Variants in TMEM170B observed in about 807,000 individuals in gnomAD.
The protein encoded by TMEM170B is transmembrane protein 170B.
In TMEM170B, 6 loss-of-function variants were observed where a neutral mutation model predicts 13.0. That is an observed-to-expected ratio of 0.46 (90% CI 0.25 to 0.91). The LOEUF (loss-of-function observed/expected upper bound fraction) is 0.91, where lower values mean the gene tolerates loss of function less well. Ranked by LOEUF, TMEM170B falls within the 40% of genes least tolerant of loss-of-function variation. The probability of loss-of-function intolerance (pLI) is 0.17; values close to 1 mark genes in which losing one functional copy is unlikely to be tolerated. For missense variants in TMEM170B, 138 were observed against 165.2 expected (o/e 0.84, Z 0.90); for synonymous variants, 61 against 64.9 (o/e 0.94, Z 0.29).
In TMEM170B at chr6:11,576,141, AG is replaced by A. The variant is rs1316348235; in HGVS notation, c.*582del. The A allele has an allele frequency of 6.6e-6, 1 of 152,342 alleles. No homozygotes were observed. The highest frequency in any genetic ancestry group is 1.5e-5 in the Non-Finnish European group (1 of 68,182). 9.4% of individuals were successfully genotyped at this position (152,342 alleles called of 1,614,324 possible). On this transcript the variant is annotated 3_prime_UTR_variant, in exon 3 of 3. Transcript: ENST00000379426. The stretch of plus-strand genomic sequence containing the variant: ...TGGGATTTAGGGCTTCAATATGTTT[AG>A]GTATTATTGTTATTTAATTGATGTG...
In TMEM170B at chr6:11,575,831, A is replaced by G. The variant is rs941623271; in HGVS notation, c.*270A>G. 4 of 274,528 alleles carry G rather than the reference A, an allele frequency of 1.5e-5. No homozygotes were observed. The highest frequency in any genetic ancestry group is 8.7e-5 in the African/African-American group (4 of 46,016). The allele number at this position is 274,528 out of a possible 1,614,324, so 17.0% of individuals were successfully genotyped here. A position where few individuals can be genotyped will look rare whatever the true frequency, so the allele number is the denominator to read the frequency against. On this transcript the variant is annotated 3_prime_UTR_variant, in exon 3 of 3. Coordinates refer to ENST00000379426, the MANE Select transcript of TMEM170B (RefSeq NM_001100829.3). This position sits in a 1 kb window ranked among gnomAD's most constrained non-coding sequence, Gnocchi z 4.1. The stretch of plus-strand genomic sequence containing the variant: ...GAAAAAGCACCTTGTTTAGCTGCCT[A>G]TCAGGTTAACATTGGTGTTGAAATC...
Position 11,575,591 on chromosome 6 carries a change from A to G in TMEM170B, c.*30A>G, listed in dbSNP as rs1759864676. 7 of 1,610,588 alleles carry G rather than the reference A, an allele frequency of 4.3e-6. No homozygotes were observed. The highest frequency in any genetic ancestry group is 5.9e-6 in the Non-Finnish European group (7 of 1,177,996). ...TCTGTGGGAATGTCTTACTTCACAT[A>G]AGGAAACAGATGTACAGATTCCCTG... On this transcript the variant is annotated 3_prime_UTR_variant, in exon 3 of 3. Coordinates refer to ENST00000379426, the MANE Select transcript of TMEM170B (RefSeq NM_001100829.3). This position sits in a 1 kb window ranked among gnomAD's most constrained non-coding sequence, Gnocchi z 4.1.
intron 1 of TMEM170B, among the ~76,000 whole-genome samples, chr6:11,561,079 G>A (rs1258960870): frequency 1.3e-5 from 2 of 152,136 alleles, no homozygotes; most frequent in Non-Finnish European, 2.9e-5. Context: ...TTAAGGTGAG[G>A]ATTATAGACA....
chr6:11,539,769 C>T (rs958607006), intron 1 of TMEM170B, among the ~76,000 whole-genome samples: 1 of 152,252 alleles, frequency 6.6e-6, no homozygotes, highest in East Asian at 1.9e-4. Context: ...TATGATTTTG[C>T]TTGCATTTAT....
intron 1 of TMEM170B, among the ~76,000 whole-genome samples, chr6:11,551,350 C>T (rs1197401083): frequency 6.6e-6 from 1 of 152,164 alleles, no homozygotes; most frequent in Non-Finnish European, 1.5e-5. Context: ...AGCTCTGGAA[C>T]ATTGTGCGAG....
At chr6:11,542,224 A>G (rs1759371554) in intron 1 of TMEM170B, among the ~76,000 whole-genome samples, 1 of 152,182 alleles carries the variant, frequency 6.6e-6, no homozygotes, top group Non-Finnish European at 1.5e-5. Context: ...AGCTCATCAA[A>G]GGGTTTTTAG....
intron 2 of TMEM170B, among the ~76,000 whole-genome samples, chr6:11,569,250 C>T (rs1759770459): frequency 6.6e-6 from 1 of 151,992 alleles, no homozygotes; most frequent in Non-Finnish European, 1.5e-5. Flanking sequence ...AGTCTTTTAT[C>T]AGTTACCTTC....
chr6:11,565,644 A>G, intron 1 of TMEM170B, 22 bp from the exon 2 acceptor site: 1 of 1,613,164 alleles, frequency 6.2e-7, no homozygotes. Context: ...ACAGATGATT[A>G]ATACTTTGCT....
At chr6:11,567,494 A>T (rs1027310681) in intron 2 of TMEM170B, among the ~76,000 whole-genome samples, 2 of 152,144 alleles carry the variant, frequency 1.3e-5, no homozygotes, top group Non-Finnish European at 2.9e-5. Context: ...AGTGATTGAC[A>T]TCCTTTGTCT....
In TMEM170B at chr6:11,582,559, A is replaced by T. The variant is rs749653793; in HGVS notation, c.*6998A>T. The T allele has an allele frequency of 6.6e-6, 1 of 152,086 alleles. No individual in the cohort carries two copies. The highest frequency in any genetic ancestry group is 1.5e-5 in the Non-Finnish European group (1 of 68,016). The allele number at this position is 152,086 out of a possible 1,614,324, so 9.4% of individuals were successfully genotyped here. ...ATTTTTCTCTATTTTTTCTTTTTCC[A>T]AGTATGAAATGGAAAAAAATGTAGT... On this transcript the variant is annotated 3_prime_UTR_variant, in exon 3 of 3. Transcript: ENST00000379426.
chr6:11,564,209 C>T (rs1759706943), intron 1 of TMEM170B, among the ~76,000 whole-genome samples: 1 of 152,178 alleles, frequency 6.6e-6, no homozygotes. Flanking sequence ...GTGCCAATAT[C>T]TCTTTGAGAT....
intron 1 of TMEM170B, among the ~76,000 whole-genome samples, chr6:11,561,753 G>T (rs765672678): frequency 1.3e-3 from 192 of 152,106 alleles, no homozygotes; most frequent in Non-Finnish European, 2.0e-3. Context: ...TGACATTAGG[G>T]TACTTTGTTC....
chr6:11,575,174 A>G lies in TMEM170B; in HGVS notation c.269-257A>G, dbSNP rs1759857594. ...TTGTTTATGAACATATTTGCTATCA[A>G]GTATGCAGCATATACCATAAATATA... On this transcript the variant is annotated intron_variant, in intron 2 of 2. Coordinates refer to ENST00000379426, the MANE Select transcript of TMEM170B (RefSeq NM_001100829.3). The surrounding 1 kb of genome is among the most constrained non-coding windows in gnomAD (Gnocchi z 4.1). Among the ~76,000 whole-genome samples the G allele has an allele frequency of 6.6e-6, 1 of 152,140 alleles. No individual in the cohort carries two copies. The highest frequency in any genetic ancestry group is 2.1e-4 in the South Asian group (1 of 4,830).
rs1759858204 is a variant in TMEM170B, at chr6:11,575,234, A to G, written c.269-197A>G. 6.6e-6 allele frequency among the ~76,000 whole-genome samples: 1 copy of G among 152,164 alleles called. No homozygotes were observed. The highest frequency in any genetic ancestry group is 1.5e-5 in the Non-Finnish European group (1 of 68,016). ...GTTGAATAGAAAAGTCTGTTTTTCAAATAAGTGGCTAAGTGTATTATGGTA... is the reference window on the plus strand; with the variant it reads ...GTTGAATAGAAAAGTCTGTTTTTCAGATAAGTGGCTAAGTGTATTATGGTA... On this transcript the variant is annotated intron_variant, in intron 2 of 2. Coordinates refer to ENST00000379426, the MANE Select transcript of TMEM170B (RefSeq NM_001100829.3). This position sits in a 1 kb window ranked among gnomAD's most constrained non-coding sequence, Gnocchi z 4.1.
At chr6:11,564,981 C>T (rs1016773922) in intron 1 of TMEM170B, among the ~76,000 whole-genome samples, 1 of 152,076 alleles carries the variant, frequency 6.6e-6, no homozygotes, top group African/African-American at 2.4e-5. Context: ...AGTCGGGTGG[C>T]CAGAAGGAAA....
chr6:11,569,764 C>T (rs1372323399), intron 2 of TMEM170B, among the ~76,000 whole-genome samples: 2 of 152,132 alleles, frequency 1.3e-5, no homozygotes, highest in African/African-American at 2.4e-5. Context: ...TCATGCCAAA[C>T]ACTAAAAAAT....
chr6:11,564,461 A>G (rs1759709393), intron 1 of TMEM170B, among the ~76,000 whole-genome samples: 1 of 152,358 alleles, frequency 6.6e-6, no homozygotes, highest in Admixed American at 6.5e-5. Context: ...GATAGTGACT[A>G]CCTAGCCCAA....
intron 1 of TMEM170B, among the ~76,000 whole-genome samples, chr6:11,555,639 A>G (rs1001565905): frequency 1.3e-5 from 2 of 152,128 alleles, no homozygotes; most frequent in African/African-American, 2.4e-5. Flanking sequence ...CAGAATTTCC[A>G]TCTCTACTGA....
chr6:11,546,012 T>TAAA (rs35584418), intron 1 of TMEM170B, among the ~76,000 whole-genome samples: 18 of 95,524 alleles, frequency 1.9e-4, no homozygotes, highest in South Asian at 7.8e-4. Flanking sequence ...ACTCCGTCTT[T>TAAA]AAAAAAAAAA....
Sources: gnomAD v4.1 joint callset for allele counts (sites outside exome capture counted in the v4.1 genomes callset) on GRCh38, gnomAD v4.1.1 for gene constraint, Gnocchi (gnomAD v3.1) non-coding constraint, MANE v1.5 for transcripts, NCBI Gene and HGNC (gene_info 2026-07-23, HGNC 2026-07-21) for gene names.